Variants in BABAM2 observed in about 807,000 individuals in gnomAD.
BABAM2 encodes the protein BRISC and BRCA1-A complex member 2.
BABAM2 carries 31 observed loss-of-function variants against 54.7 expected under a neutral mutation model. The ratio of observed to expected loss-of-function variants is 0.57; its 90% CI spans 0.43 to 0.77. BABAM2 has a LOEUF of 0.77. Among genes scored for constraint, BABAM2 ranks in the 30% least tolerant of loss-of-function variants. The pLI, the probability that BABAM2 is intolerant of heterozygous loss-of-function variation, is 0.00. For missense variants in BABAM2, 364 were observed against 455.8 expected, an observed-to-expected ratio of 0.80 and a Z score of 1.83; for synonymous variants, 167 against 162.9, an observed-to-expected ratio of 1.03 and a Z score of -0.19.
chr2:28,233,619 G>A (rs548854604), intron 7 of BABAM2, among the ~76,000 whole-genome samples: 11 of 152,266 alleles, frequency 7.2e-5, no homozygotes, highest in Admixed American at 2.0e-4. Context: ...TGTAGATTTT[G>A]GACGCTTACA....
At position 27,933,129 on chromosome 2, in the gene BABAM2, C is replaced by G. The variant is rs183132721; in HGVS notation, c.205+3221C>G. ...ATGTTAGGAAGCATTTGCTGTTACC[C>G]TATATCCTCTCATTACTATAAGCTC... On this transcript the variant is annotated intron_variant, in intron 3 of 11. Transcript: ENST00000379624. Among the ~76,000 whole-genome samples the G allele has an allele frequency of 1.8e-4, 28 of 152,260 alleles. 1 individual carries two copies. In the East Asian group the frequency reaches 5.4e-3, roughly 29 times the overall value.
rs144557913 is a variant in BABAM2 at position 28,115,023 on chromosome 2, GT to G, written c.571-14243del. 3.4e-3 allele frequency among the ~76,000 whole-genome samples: 515 copies of G among 152,158 alleles called. 1 individual carries two copies. The highest frequency in any genetic ancestry group is 0.011 in the African/African-American group (459 of 41,502). On this transcript the variant is annotated intron_variant, in intron 6 of 11. Coordinates refer to ENST00000379624, the MANE Select transcript of BABAM2 (RefSeq NM_199191.3). ...TTTTTCAGATATTTATTGGGTGCCT[GT>G]TTTTGTGGTAAGCACCATACTGGAC...
chr2:28,208,124 G>A (rs1679073875), intron 7 of BABAM2, among the ~76,000 whole-genome samples: 1 of 151,924 alleles, frequency 6.6e-6, no homozygotes, highest in Non-Finnish European at 1.5e-5. Flanking sequence ...ATTTCACTGA[G>A]CAGTGTTAGG....
At position 28,204,664 on chromosome 2, in the gene BABAM2, A is replaced by G. The variant is rs140430356; in HGVS notation, c.681-32538A>G. Among the ~76,000 whole-genome samples the G allele has an allele frequency of 1.8e-3, 278 of 152,296 alleles. 1 individual carries two copies. The highest frequency in any genetic ancestry group is 3.5e-3 in the Non-Finnish European group (236 of 68,032). On this transcript the variant is annotated intron_variant, in intron 7 of 11. Coordinates refer to ENST00000379624, the MANE Select transcript of BABAM2 (RefSeq NM_199191.3). ...GAATATAAATGTCTTGTGTTACCAT[A>G]TAATAGTAGTGACTTATAGTTTTAG...
intron 7 of BABAM2, among the ~76,000 whole-genome samples, chr2:28,227,789 C>G (rs752642392): frequency 6.6e-6 from 1 of 152,158 alleles, no homozygotes; most frequent in Non-Finnish European, 1.5e-5. Flanking sequence ...GGTGTGAGGA[C>G]CACCTGCATC....
chr2:28,044,509 G>T (rs1292901309), intron 5 of BABAM2, among the ~76,000 whole-genome samples: 1 of 152,212 alleles, frequency 6.6e-6, no homozygotes, highest in Non-Finnish European at 1.5e-5. Context: ...GGGATTACAG[G>T]CATGAGCCAC....
chr2:28,227,337 C>G (rs1558452939), intron 7 of BABAM2, among the ~76,000 whole-genome samples: 1 of 152,134 alleles, frequency 6.6e-6, no homozygotes, highest in Non-Finnish European at 1.5e-5. Context: ...ATATGCCTTT[C>G]TCAATGGGCA....
intron 4 of BABAM2, among the ~76,000 whole-genome samples, chr2:27,988,689 A>G (rs1169461267): frequency 2.6e-5 from 4 of 152,198 alleles, no homozygotes; most frequent in Non-Finnish European, 5.9e-5. Flanking sequence ...TGGAGCACAT[A>G]TGCTTTAGTA....
chr2:27,918,475 T>C (rs1276235483), intron 2 of BABAM2, among the ~76,000 whole-genome samples: 1 of 152,122 alleles, frequency 6.6e-6, no homozygotes, highest in African/African-American at 2.4e-5. Context: ...TGTATATGTA[T>C]AGTATTGTAT....
intron 6 of BABAM2, among the ~76,000 whole-genome samples, chr2:28,107,497 T>G (rs1278553309): frequency 6.6e-6 from 1 of 152,200 alleles, no homozygotes; most frequent in Non-Finnish European, 1.5e-5. Flanking sequence ...GAACAGTCCC[T>G]TGAATGTACC....
chr2:28,251,471 A>C (rs1407227541), intron 10 of BABAM2, among the ~76,000 whole-genome samples: 4 of 152,212 alleles, frequency 2.6e-5, no homozygotes, highest in Non-Finnish European at 5.9e-5. Flanking sequence ...AACCAAGGAA[A>C]TTATTTGCAT....
chr2:28,016,471 C>A, intron 4 of BABAM2: 1 of 1,222,774 alleles, frequency 8.2e-7, no homozygotes, highest in Non-Finnish European at 1.2e-6. Flanking sequence ...CCCATTTGTC[C>A]CACTTGCCCA....
chr2:28,255,930 T>C (rs1368369782), intron 10 of BABAM2, among the ~76,000 whole-genome samples: 1 of 152,188 alleles, frequency 6.6e-6, no homozygotes, highest in Non-Finnish European at 1.5e-5. Context: ...CCTCCCAAAG[T>C]GCTGAGATTA....
intron 3 of BABAM2, among the ~76,000 whole-genome samples, chr2:27,938,633 G>T (rs1316382069): frequency 6.6e-6 from 1 of 151,828 alleles, no homozygotes; most frequent in African/African-American, 2.4e-5. Context: ...CTTGTGATCC[G>T]CCCGCCTCAG....
chr2:28,197,273 G>A (rs193060101), intron 7 of BABAM2, among the ~76,000 whole-genome samples: 225 of 152,266 alleles, frequency 1.5e-3, no homozygotes, highest in Non-Finnish European at 2.9e-3. Flanking sequence ...TTGCTTGAGC[G>A]CCGGCTGATA....
intron 4 of BABAM2, chr2:28,013,397 G>A (rs1428730950): frequency 1.1e-5 from 5 of 455,212 alleles, no homozygotes. Flanking sequence ...CTACTGAATG[G>A]CATTTTGAAA....
At chr2:27,970,550 C>T (rs1335305513) in intron 3 of BABAM2, among the ~76,000 whole-genome samples, 3 of 152,108 alleles carry the variant, frequency 2.0e-5, no homozygotes, top group Admixed American at 6.5e-5. Context: ...TCATACTTCA[C>T]CCCTAAGTAC....
chr2:28,312,570 C>T (rs1007874655), intron 11 of BABAM2, among the ~76,000 whole-genome samples: 4 of 152,162 alleles, frequency 2.6e-5, no homozygotes, highest in Non-Finnish European at 4.4e-5. Context: ...CAGGAAGTTA[C>T]GTAGTTCTTC....
At chr2:28,239,852 G>A (rs1168581604) in intron 8 of BABAM2, among the ~76,000 whole-genome samples, 2 of 152,206 alleles carry the variant, frequency 1.3e-5, no homozygotes, top group East Asian at 1.9e-4. Flanking sequence ...CTGCTTCAGA[G>A]GGTATGTCCA....
Sources: allele counts gnomAD v4.1 joint callset (sites outside exome capture counted in the v4.1 genomes callset), GRCh38; gene constraint gnomAD v4.1.1; transcripts MANE v1.5; gene names NCBI Gene and HGNC (gene_info 2026-07-23, HGNC 2026-07-21).